Variants in LIN28B observed in about 807,000 individuals in gnomAD.
LIN28B encodes lin-28 RNA binding posttranscriptional regulator B.
A neutral mutation model predicts 21.9 loss-of-function variants in LIN28B; 5 were observed. The ratio of observed to expected loss-of-function variants is 0.23; its 90% confidence interval spans 0.12 to 0.48. The LOEUF is 0.48. LIN28B is among the 20% of genes least tolerant of loss of function. LIN28B has a pLI of 0.98. For synonymous variants in LIN28B, 109 were observed against 111.3 expected, an observed-to-expected ratio of 0.98 and a Z score of 0.13; for missense variants, 245 against 310.5, an observed-to-expected ratio of 0.79 and a Z score of 1.58.
At chr6:104,986,743 A>T (rs1166377750) in intron 2 of LIN28B, among the ~76,000 whole-genome samples, 1 of 152,210 alleles carries the variant, frequency 6.6e-6, no homozygotes, top group Non-Finnish European at 1.5e-5. Context: ...TGCTCCAAGA[A>T]TGTAATTCTC....
intron 3 of LIN28B, among the ~76,000 whole-genome samples, chr6:105,056,933 T>A (rs1178207925): frequency 6.6e-6 from 1 of 152,126 alleles, no homozygotes; most frequent in Non-Finnish European, 1.5e-5. Flanking sequence ...AGCGCTACAG[T>A]TTTTTACTAC....
At chr6:104,969,785 A>T (rs932312192) in intron 2 of LIN28B, among the ~76,000 whole-genome samples, 1 of 152,204 alleles carries the variant, frequency 6.6e-6, no homozygotes, top group Non-Finnish European at 1.5e-5. Flanking sequence ...AAAGTATTTT[A>T]TTTTGATGTG....
At chr6:105,005,488 T>C (rs1770799002) in intron 2 of LIN28B, among the ~76,000 whole-genome samples, 1 of 152,210 alleles carries the variant, frequency 6.6e-6, no homozygotes, top group South Asian at 2.1e-4. Context: ...GGTTTCAATT[T>C]GTGTCCCTGC....
chr6:105,067,151 A>T (rs1252110657), intron 3 of LIN28B, among the ~76,000 whole-genome samples: 1 of 152,170 alleles, frequency 6.6e-6, no homozygotes, highest in Non-Finnish European at 1.5e-5. Flanking sequence ...TGATTCTTCC[A>T]TCTAAGCAAG....
At chr6:104,940,248 T>C (rs983186672) in intron 2 of LIN28B, 4 of 168,274 alleles carry the variant, frequency 2.4e-5, no homozygotes, top group African/African-American at 9.6e-5. Context: ...GGGCTTCAGA[T>C]ATGATTTTGT....
intron 2 of LIN28B, among the ~76,000 whole-genome samples, chr6:104,967,555 G>A (rs1298037264): frequency 1.1e-4 from 12 of 105,718 alleles, no homozygotes; most frequent in African/African-American, 4.6e-4. Flanking sequence ...CACTCCAGGC[G>A]ACAAGAGTGA....
In LIN28B at chr6:105,078,921, ACAAAT is replaced by A; in HGVS notation, c.*141_*145del. The A allele has an allele frequency of 1.0e-6, 1 of 956,350 alleles. No homozygotes were observed. Among genetic ancestry groups the A allele is most frequent in the Non-Finnish European group, 1.5e-6 (1 of 650,268 alleles). The allele number at this position is 956,350 out of a possible 1,614,324, so 59.2% of individuals were successfully genotyped here. A position where few individuals can be genotyped will look rare whatever the true frequency, so the allele number is the denominator to read the frequency against. ...GGGGAACTGTGAATTTTTTAAACAG[ACAAAT>A]CACTCTAAGCAAATTACATTTGAGC... On this transcript the variant is annotated 3_prime_UTR_variant, in exon 4 of 4. Coordinates refer to ENST00000345080, the MANE Select transcript of LIN28B (RefSeq NM_001004317.4).
intron 3 of LIN28B, among the ~76,000 whole-genome samples, chr6:105,042,290 C>T (rs972382905): frequency 2.6e-5 from 4 of 152,190 alleles, no homozygotes; most frequent in East Asian, 1.9e-4. Context: ...AGTCTGTAAA[C>T]TGTTACTGTT....
intron 2 of LIN28B, among the ~76,000 whole-genome samples, chr6:105,023,053 T>C (rs1331826541): frequency 6.7e-6 from 1 of 149,100 alleles, no homozygotes; most frequent in Non-Finnish European, 1.5e-5. Flanking sequence ...GTTAAGGGGA[T>C]AAGTTGATTT....
chr6:105,038,570 C>G (rs543325126), intron 3 of LIN28B, among the ~76,000 whole-genome samples: 5 of 152,260 alleles, frequency 3.3e-5, no homozygotes, highest in Admixed American at 1.3e-4. Flanking sequence ...AAATCTTGTA[C>G]AAGTTTCTCT....
intron 1 of LIN28B, among the ~76,000 whole-genome samples, chr6:104,957,854 A>G (rs1264109287): frequency 1.3e-5 from 2 of 152,012 alleles, no homozygotes; most frequent in Non-Finnish European, 2.9e-5. Flanking sequence ...AAGTACACGT[A>G]TGTATAGAAA....
intron 2 of LIN28B, among the ~76,000 whole-genome samples, chr6:105,019,496 T>C (rs1771093600): frequency 6.6e-6 from 1 of 152,224 alleles, no homozygotes; most frequent in Non-Finnish European, 1.5e-5. Flanking sequence ...TTTGCCTGTT[T>C]TCACATGTGT....
intron 3 of LIN28B, among the ~76,000 whole-genome samples, chr6:105,064,115 A>G (rs1454712782): frequency 6.6e-6 from 1 of 152,140 alleles, no homozygotes; most frequent in Non-Finnish European, 1.5e-5. Context: ...CTTGCATCTT[A>G]TGTAGTGGCT....
At chr6:104,969,103 A>G (rs1186060712) in intron 2 of LIN28B, among the ~76,000 whole-genome samples, 2 of 152,116 alleles carry the variant, frequency 1.3e-5, no homozygotes, top group African/African-American at 2.4e-5. Context: ...TTTTAAGTGC[A>G]TCTTTTTCAA....
chr6:105,080,439 A>T lies in LIN28B; in HGVS notation c.*1656A>T, dbSNP rs1480755958. 3 of 152,602 alleles carry T rather than the reference A, an allele frequency of 2.0e-5. No individual in the cohort carries two copies. The highest frequency in any genetic ancestry group is 4.8e-5 in the African/African-American group (2 of 41,440). 9.5% of individuals were successfully genotyped at this position (152,602 alleles called of 1,614,324 possible). ...TACTTCCTCTCCCGCCTGTCCTGTCATGGGAGACGTGTATAGTTGCTGCTG... is the reference window on the plus strand; with the variant it reads ...TACTTCCTCTCCCGCCTGTCCTGTCTTGGGAGACGTGTATAGTTGCTGCTG... On this transcript the variant is annotated 3_prime_UTR_variant, in exon 4 of 4. Coordinates refer to ENST00000345080, the MANE Select transcript of LIN28B (RefSeq NM_001004317.4).
intron 2 of LIN28B, among the ~76,000 whole-genome samples, chr6:104,983,853 G>A (rs1289158417): frequency 6.6e-6 from 1 of 152,170 alleles, no homozygotes; most frequent in Non-Finnish European, 1.5e-5. Flanking sequence ...TGGAATTACA[G>A]GTGTGAGCCA....
At chr6:105,034,708 A>G (rs1771492164) in intron 3 of LIN28B, among the ~76,000 whole-genome samples, 2 of 152,102 alleles carry the variant, frequency 1.3e-5, no homozygotes, top group Non-Finnish European at 2.9e-5. Flanking sequence ...ATTTATTCTT[A>G]GCTCACATGA....
chr6:105,053,395 G>GTGTA (rs1229643681), intron 3 of LIN28B, among the ~76,000 whole-genome samples: 1 of 151,786 alleles, frequency 6.6e-6, no homozygotes, highest in Non-Finnish European at 1.5e-5. Context: ...GTGTGTGTGT[G>GTGTA]TGTGTGTGTG....
At chr6:104,988,568 G>T (rs1408290274) in intron 2 of LIN28B, among the ~76,000 whole-genome samples, 1 of 123,410 alleles carries the variant, frequency 8.1e-6, no homozygotes, top group African/African-American at 2.8e-5. Context: ...AGACTACCTA[G>T]ATTTTTTTTT....
Sources: gnomAD v4.1 joint callset for allele counts (sites outside exome capture counted in the v4.1 genomes callset) on GRCh38, gnomAD v4.1.1 for gene constraint, MANE v1.5 for transcripts, NCBI Gene and HGNC (gene_info 2026-07-23, HGNC 2026-07-21) for gene names.